Variants in PGBD5 observed in about 807,000 individuals in gnomAD.
PGBD5 encodes piggyBac transposable element-derived protein 5.
PGBD5 carries 14 observed loss-of-function variants against 47.9 expected under a neutral mutation model. The ratio of observed to expected loss-of-function variants is 0.29; its 90% CI spans 0.19 to 0.46. The LOEUF (loss-of-function observed/expected upper bound fraction) is 0.46, where lower values mean the gene tolerates loss of function less well. Ranked by LOEUF, PGBD5 falls within the 20% of genes least tolerant of loss-of-function variation. The pLI is 1.00. For synonymous variants in PGBD5, 316 were observed against 306.3 expected (o/e 1.03, Z -0.33); for missense variants, 635 against 716.0 (o/e 0.89, Z 1.29).
rs1435951071 is a variant in PGBD5 at position 230,333,016 on chromosome 1, G to A, written c.1101C>T (p.Arg367=). The A allele has an allele frequency of 1.9e-6, 3 of 1,605,166 alleles. No individual in the cohort carries two copies. In the South Asian group the frequency reaches 3.3e-5, roughly 18 times the overall value. The part of the protein sequence containing the change: ...KQGIYCCGLL[R]ARKSDCTGLP... ...GGCCGGTGCAGTCACTCTTCCGCGC[G>A]CGGAGCAAGCCGCAGCAGTAAATCC... is the stretch of plus-strand genomic sequence containing the variant. Residue 367 remains arginine (R), a synonymous_variant, in exon 5 of 7, where the codon CGC becomes CGT. Coordinates refer to ENST00000391860, the MANE Select transcript of PGBD5 (RefSeq NM_001258311.2).
chr1:230,318,273 C>A lies in PGBD5; in HGVS notation c.*5152G>T, dbSNP rs2102806264. ...TTATTGGGAGAGAATAACATACCTGCAAAGAAGGCTGAGAAATATTCTCGA... is the reference window on the plus strand; with the variant it reads ...TTATTGGGAGAGAATAACATACCTGAAAAGAAGGCTGAGAAATATTCTCGA... On this transcript the variant is annotated 3_prime_UTR_variant, in exon 7 of 7. Coordinates refer to ENST00000391860, the MANE Select transcript of PGBD5 (RefSeq NM_001258311.2). The A allele has an allele frequency of 6.6e-6, 1 of 152,284 alleles. No homozygotes were observed. Among genetic ancestry groups the A allele is most frequent in the East Asian group, 1.9e-4 (1 of 5,182 alleles). 9.4% of individuals were successfully genotyped at this position (152,284 alleles called of 1,614,324 possible).
chr1:230,414,763 C>T (rs761315783), intron 1 of PGBD5, among the ~76,000 whole-genome samples: 2 of 152,160 alleles, frequency 1.3e-5, no homozygotes, highest in African/African-American at 4.8e-5. Context: ...TATTCACCTT[C>T]GATGCTGGGA....
intron 1 of PGBD5, among the ~76,000 whole-genome samples, chr1:230,391,790 T>C (rs1454606503): frequency 6.6e-6 from 1 of 152,194 alleles, no homozygotes; most frequent in African/African-American, 2.4e-5. Flanking sequence ...TAGCAGAGAC[T>C]TTATAATTAT....
chr1:230,417,432 C>G (rs1346841321), intron 1 of PGBD5, among the ~76,000 whole-genome samples: 1 of 152,176 alleles, frequency 6.6e-6, no homozygotes, highest in African/African-American at 2.4e-5. Flanking sequence ...ATTCTAGCTA[C>G]AGTTACTTGC....
intron 1 of PGBD5, among the ~76,000 whole-genome samples, chr1:230,366,149 A>G (rs749220741): frequency 6.6e-6 from 1 of 152,188 alleles, no homozygotes; most frequent in Non-Finnish European, 1.5e-5. Context: ...TGCCATGCCT[A>G]TGTGTGCTAT....
chr1:230,371,672 C>T lies in PGBD5; in HGVS notation c.332-14351G>A, dbSNP rs565304151. 2.0e-4 allele frequency among the ~76,000 whole-genome samples: 30 copies of T among 152,232 alleles called. No individual in the cohort carries two copies. In the South Asian group the frequency reaches 4.4e-3, roughly 22 times the overall value. On this transcript the variant is annotated intron_variant, in intron 1 of 6. Transcript: ENST00000391860. ...TACAAGGTACTAATTTTGAGGTGTC[C>T]GGTAAGTGAAGGGAACACTGACCTT... is the stretch of plus-strand genomic sequence containing the variant.
chr1:230,368,586 C>A lies in PGBD5; in HGVS notation c.332-11265G>T, dbSNP rs74936581. Among the ~76,000 whole-genome samples the A allele has an allele frequency of 3.3e-3, 505 of 152,358 alleles. 5 individuals are homozygous for A. The highest frequency in any genetic ancestry group is 0.011 in the African/African-American group (477 of 41,578). Reference sequence around the variant, plus strand: ...ATGAAATGACGCAGGGGGATGATGACTCTTCAGGGCTTGAGCGTAGTCAGC... The same window carrying A: ...ATGAAATGACGCAGGGGGATGATGAATCTTCAGGGCTTGAGCGTAGTCAGC... On this transcript the variant is annotated intron_variant, in intron 1 of 6. Coordinates refer to ENST00000391860, the MANE Select transcript of PGBD5 (RefSeq NM_001258311.2).
intron 3 of PGBD5, among the ~76,000 whole-genome samples, chr1:230,337,999 T>C (rs1404927904): frequency 1.3e-5 from 2 of 152,090 alleles, no homozygotes; most frequent in African/African-American, 4.8e-5. Flanking sequence ...TTAGCGAAAA[T>C]ATCTTAAACA....
intron 3 of PGBD5, among the ~76,000 whole-genome samples, chr1:230,348,087 G>A (rs1667503439): frequency 6.6e-6 from 1 of 152,218 alleles, no homozygotes; most frequent in Non-Finnish European, 1.5e-5. Context: ...CAATGGGAGA[G>A]GACCCTTAAT....
At chr1:230,408,431 T>C (rs537463300) in intron 1 of PGBD5, among the ~76,000 whole-genome samples, 24 of 152,294 alleles carry the variant, frequency 1.6e-4, no homozygotes, top group Admixed American at 4.6e-4. Context: ...ATTCCTGATA[T>C]AGAAGGTCTT....
intron 1 of PGBD5, among the ~76,000 whole-genome samples, chr1:230,414,270 C>T (rs551810890): frequency 5.1e-4 from 77 of 152,250 alleles, no homozygotes; most frequent in Non-Finnish European, 6.9e-4. Flanking sequence ...CTGTGCACAT[C>T]GCAATGCCTT....
chr1:230,377,396 A>T (rs1208385377), intron 1 of PGBD5: 3 of 1,304,276 alleles, frequency 2.3e-6, no homozygotes, highest in Middle Eastern at 2.5e-4. Flanking sequence ...TAAATCCTTC[A>T]TAAAGGCAGA....
intron 1 of PGBD5, among the ~76,000 whole-genome samples, chr1:230,385,873 A>G (rs1451242877): frequency 6.6e-5 from 10 of 152,082 alleles, no homozygotes; most frequent in Non-Finnish European, 7.4e-5. Flanking sequence ...CAGCAGCATC[A>G]CCCGGGAGCT....
At chr1:230,369,426 C>T (rs369437500) in intron 1 of PGBD5, among the ~76,000 whole-genome samples, 28 of 152,378 alleles carry the variant, frequency 1.8e-4, no homozygotes, top group African/African-American at 6.3e-4. Flanking sequence ...CTCCCCATCC[C>T]GGGCAGCTTG....
At chr1:230,359,102 C>T (rs922151238) in intron 1 of PGBD5, among the ~76,000 whole-genome samples, 2 of 151,720 alleles carry the variant, frequency 1.3e-5, no homozygotes, top group African/African-American at 4.8e-5. Flanking sequence ...GTCTCTGTCA[C>T]CCAGGCTAGA....
At chr1:230,407,836 G>A (rs74146017) in intron 1 of PGBD5, among the ~76,000 whole-genome samples, 12,185 of 152,102 alleles carry the variant, frequency 0.08, 890 homozygotes, top group East Asian at 0.27. Flanking sequence ...TTATAATCGG[G>A]GCAACATCTG....
intron 3 of PGBD5, among the ~76,000 whole-genome samples, chr1:230,340,971 G>A (rs1296377279): frequency 6.6e-6 from 1 of 152,140 alleles, no homozygotes; most frequent in Non-Finnish European, 1.5e-5. Flanking sequence ...CACAGGAGAA[G>A]GGGACAGGCA....
rs1482787767 is a variant in PGBD5 at position 230,335,069 on chromosome 1, GCACACACAGACACACACAGGTA to G, written c.1075+2017_1076-2029del. 4.9e-3 allele frequency among the ~76,000 whole-genome samples: 653 copies of G among 133,612 alleles called. 1 individual carries two copies. The highest frequency in any genetic ancestry group is 8.9e-3 in the Middle Eastern group (2 of 224). The allele number at this position is 133,612 out of a possible 152,430, so 87.7% of individuals were successfully genotyped here. A position where few individuals can be genotyped will look rare whatever the true frequency, so the allele number is the denominator to read the frequency against. On this transcript the variant is annotated intron_variant, in intron 4 of 6. Coordinates refer to ENST00000391860, the MANE Select transcript of PGBD5 (RefSeq NM_001258311.2). ...TACACACACAGACACAAACACAGAT[GCACACACAGACACACACAGGTA>G]CACACACAGACACACACAGATACAC...
intron 3 of PGBD5, among the ~76,000 whole-genome samples, chr1:230,341,421 C>T (rs1219312704): frequency 2.6e-5 from 4 of 152,168 alleles, no homozygotes; most frequent in Non-Finnish European, 5.9e-5. Context: ...GAAGTCTTAT[C>T]CTATCCATGC....
Sources: gnomAD v4.1 joint callset for allele counts (sites outside exome capture counted in the v4.1 genomes callset) on GRCh38, gnomAD v4.1.1 for gene constraint, MANE v1.5 for transcripts, NCBI Gene and HGNC (gene_info 2026-07-23, HGNC 2026-07-21) for gene names.